Variants in BMAL2 observed in about 807,000 individuals in gnomAD.
BMAL2 encodes basic helix-loop-helix ARNT like 2.
chr12:27,379,214 G>T, the BMAL2 span, among the ~76,000 whole-genome samples: 1 of 152,202 alleles, frequency 6.6e-6, no homozygotes, highest in Non-Finnish European at 1.5e-5. Flanking sequence ...AGTACAGGAA[G>T]AATTGAAAAT....
the BMAL2 span, chr12:27,423,449 C>G: frequency 6.6e-6 from 1 of 151,562 alleles, no homozygotes; most frequent in Non-Finnish European, 1.5e-5. Context: ...GCCTCAGCCT[C>G]CAGAGCAGCT....
the BMAL2 span, chr12:27,376,279 T>C: frequency 7.2e-7 from 1 of 1,391,034 alleles, no homozygotes; most frequent in Non-Finnish European, 1.0e-6. Context: ...CTCACATCTA[T>C]TTCTCTATCA....
chr12:27,348,936 G>A, the BMAL2 span, among the ~76,000 whole-genome samples: 1 of 152,214 alleles, frequency 6.6e-6, no homozygotes, highest in Admixed American at 6.5e-5. Flanking sequence ...TATAATGTCT[G>A]AGGGGCCCCA....
At chr12:27,418,343 G>A in the BMAL2 span, 5 of 550,884 alleles carry the variant, frequency 9.1e-6, no homozygotes, top group East Asian at 1.5e-4. Context: ...GCTCACACCT[G>A]TAATCCCAGC....
At chr12:27,392,933 C>G in the BMAL2 span, among the ~76,000 whole-genome samples, 1 of 152,020 alleles carries the variant, frequency 6.6e-6, no homozygotes, top group Non-Finnish European at 1.5e-5. Flanking sequence ...CGCCCTCTGC[C>G]CCCTACCCCA....
the BMAL2 span, among the ~76,000 whole-genome samples, chr12:27,379,374 G>C: frequency 6.6e-6 from 1 of 152,206 alleles, no homozygotes; most frequent in Non-Finnish European, 1.5e-5. Context: ...TAGCTTATGA[G>C]TAGCTGTAAA....
At chr12:27,333,014 C>A in the BMAL2 span, 1 of 1,168,436 alleles carries the variant, frequency 8.6e-7, no homozygotes, top group Non-Finnish European at 1.1e-6. Flanking sequence ...CAGGGCGGGC[C>A]CGGGGCTCCT....
the BMAL2 span, among the ~76,000 whole-genome samples, chr12:27,363,875 T>C: frequency 6.6e-6 from 1 of 152,220 alleles, no homozygotes; most frequent in Non-Finnish European, 1.5e-5. Context: ...AATTTCTTTC[T>C]ATGAAATAAA....
chr12:27,420,279 G>A, the BMAL2 span: 1 of 1,322,766 alleles, frequency 7.6e-7, no homozygotes, highest in African/African-American at 1.5e-5. Flanking sequence ...ACATTTTATG[G>A]TTTTCTAGCC....
the BMAL2 span, chr12:27,401,279 C>T: frequency 6.2e-7 from 1 of 1,614,084 alleles, no homozygotes; most frequent in Admixed American, 1.7e-5. Context: ...TTTAGGATAT[C>T]TGCCTCAGGA....
the BMAL2 span, chr12:27,400,398 C>A: frequency 1.5e-6 from 1 of 685,672 alleles, no homozygotes; most frequent in Non-Finnish European, 2.2e-6. Context: ...CAATGGAATA[C>A]CATTCCCCTT....
the BMAL2 span, among the ~76,000 whole-genome samples, chr12:27,383,680 T>C: frequency 2.0e-5 from 3 of 152,204 alleles, no homozygotes; most frequent in Non-Finnish European, 2.9e-5. Context: ...AAAATCAGTT[T>C]ACTGCTGTTC....
At chr12:27,398,792 A>G in the BMAL2 span, among the ~76,000 whole-genome samples, 1 of 152,238 alleles carries the variant, frequency 6.6e-6, no homozygotes, top group Admixed American at 6.5e-5. Context: ...TTAAGTCTAT[A>G]TTTTCAGTAG....
chr12:27,362,348 A>G, the BMAL2 span, among the ~76,000 whole-genome samples: 7 of 152,326 alleles, frequency 4.6e-5, no homozygotes, highest in East Asian at 5.8e-4. Context: ...ATCCAGGCCT[A>G]GAAGTCTTGG....
At chr12:27,388,581 G>A in the BMAL2 span, among the ~76,000 whole-genome samples, 13 of 152,010 alleles carry the variant, frequency 8.6e-5, no homozygotes, top group African/African-American at 3.1e-4. Context: ...AGGGAGTCCC[G>A]GAAGTCTAGG....
chr12:27,422,171 T>G, the BMAL2 span: 2 of 152,226 alleles, frequency 1.3e-5, no homozygotes, highest in African/African-American at 4.8e-5. Context: ...TCTGCTTCAG[T>G]AGCTCTTCAT....
the BMAL2 span, among the ~76,000 whole-genome samples, chr12:27,380,978 A>AG: frequency 8.1e-6 from 1 of 123,498 alleles, no homozygotes; most frequent in East Asian, 3.6e-4. Context: ...AGCCTGTCTC[A>AG]GAAAAAAAAA....
chr12:27,405,215 T>G, the BMAL2 span, among the ~76,000 whole-genome samples: 4 of 152,212 alleles, frequency 2.6e-5, no homozygotes, highest in Admixed American at 2.6e-4. Context: ...CTCTGCAGAC[T>G]TAAATGTCCC....
the BMAL2 span, chr12:27,376,536 GCACCTGATGTCT>G: frequency 3.3e-6 from 2 of 602,930 alleles, no homozygotes; most frequent in Non-Finnish European, 5.6e-6. Context: ...ATGTTATCAG[GCACCTGATGTCT>G]TGCTTTTCTG....
Sources: allele counts gnomAD v4.1 joint callset (sites outside exome capture counted in the v4.1 genomes callset), GRCh38; gene constraint gnomAD v4.1.1; transcripts MANE v1.5; gene names NCBI Gene and HGNC (gene_info 2026-07-23, HGNC 2026-07-21).